Variants in FBXO11 observed in about 807,000 individuals in gnomAD.
FBXO11 encodes F-box protein 11, also known as F-box only protein 11.
Under a neutral mutation model 117.0 loss-of-function variants are expected in FBXO11, and 13 were observed. The observed-to-expected ratio is 0.11, with a 90% confidence interval of 0.07 to 0.18. The LOEUF (loss-of-function observed/expected upper bound fraction) is 0.18. Ranked by LOEUF, FBXO11 falls within the 10% of genes least tolerant of loss-of-function variation. FBXO11 has a pLI of 1.00. For synonymous variants in FBXO11, 490 were observed against 380.5 expected (o/e 1.29, Z -3.35); for missense variants, 767 against 1,164.4 (o/e 0.66, Z 4.97).
chr2:47,817,372 A>C (rs528286337), intron 16 of FBXO11, among the ~76,000 whole-genome samples: 4 of 152,238 alleles, frequency 2.6e-5, no homozygotes, highest in African/African-American at 9.6e-5. Flanking sequence ...CCATATTAGC[A>C]TAAGTCCATT....
chr2:47,831,813 T>C (rs1181927434), intron 11 of FBXO11, among the ~76,000 whole-genome samples: 1 of 152,240 alleles, frequency 6.6e-6, no homozygotes, highest in East Asian at 1.9e-4. Flanking sequence ...TGCTGCATAA[T>C]GGTTTTAAAA....
chr2:47,817,134 T>G (rs541794418), intron 16 of FBXO11, among the ~76,000 whole-genome samples: 1 of 152,374 alleles, frequency 6.6e-6, no homozygotes, highest in Non-Finnish European at 1.5e-5. Context: ...CTGGGATAAC[T>G]TTCTGTAGCT....
chr2:47,845,543 A>G (rs566486920), intron 1 of FBXO11, among the ~76,000 whole-genome samples: 1 of 152,336 alleles, frequency 6.6e-6, no homozygotes, highest in African/African-American at 2.4e-5. Flanking sequence ...ATAAGCAGCA[A>G]AACAGAAAGC....
chr2:47,818,248 A>G (rs766439501), intron 16 of FBXO11, among the ~76,000 whole-genome samples: 12 of 152,224 alleles, frequency 7.9e-5, no homozygotes, highest in Non-Finnish European at 1.6e-4. Flanking sequence ...TCAACACAGT[A>G]TTGCCACAAA....
chr2:47,889,590 C>A (rs758036833), intron 1 of FBXO11, among the ~76,000 whole-genome samples: 2 of 151,540 alleles, frequency 1.3e-5, no homozygotes, highest in Non-Finnish European at 2.9e-5. Flanking sequence ...ATTACTTATT[C>A]CCAAACACAT....
Position 47,868,088 on chromosome 2 carries a change from TC to T in FBXO11, c.233-28320del, listed in dbSNP as rs1675331791. On this transcript the variant is annotated intron_variant, in intron 1 of 22. Transcript: ENST00000403359. ...CCACACAATCCTTACCCACTGCAAA[TC>T]CCTGGACAACTACTGCCATGTCAGA... Among the ~76,000 whole-genome samples the T allele has an allele frequency of 3.3e-5, 5 of 152,040 alleles. No individual in the cohort carries two copies. The South Asian group carries it at 1.0e-3, about 32-fold the overall frequency.
chr2:47,874,137 C>G (rs1675824232), intron 1 of FBXO11, among the ~76,000 whole-genome samples: 1 of 152,122 alleles, frequency 6.6e-6, no homozygotes, highest in African/African-American at 2.4e-5. Context: ...TCGCTTGAAC[C>G]TGGGAGGCGG....
intron 1 of FBXO11, among the ~76,000 whole-genome samples, chr2:47,866,710 G>A (rs968991478): frequency 6.6e-6 from 1 of 152,058 alleles, no homozygotes; most frequent in African/African-American, 2.4e-5. Flanking sequence ...CTGACCTCGT[G>A]ATCTGCCCAC....
intron 1 of FBXO11, among the ~76,000 whole-genome samples, chr2:47,860,900 G>C (rs981484515): frequency 6.9e-6 from 1 of 144,412 alleles, no homozygotes; most frequent in Non-Finnish European, 1.5e-5. Flanking sequence ...AGGCTGGAGT[G>C]CAATGGCGCA....
At chr2:47,855,630 T>C (rs1674229049) in intron 1 of FBXO11, among the ~76,000 whole-genome samples, 1 of 152,056 alleles carries the variant, frequency 6.6e-6, no homozygotes, top group African/African-American at 2.4e-5. Context: ...AGTCAGGAGT[T>C]CGAGACCAGC....
At chr2:47,877,979 G>C (rs1325893382) in intron 1 of FBXO11, among the ~76,000 whole-genome samples, 1 of 152,070 alleles carries the variant, frequency 6.6e-6, no homozygotes, top group Non-Finnish European at 1.5e-5. Flanking sequence ...CACCGTGCCT[G>C]GCCCAGAATG....
At chr2:47,905,422 GCCCGCCCC>G in intron 1 of FBXO11, 59 bp downstream of exon 1, 1 of 1,094,062 alleles carries the variant, frequency 9.1e-7, no homozygotes, top group South Asian at 4.1e-5. Flanking sequence ...CCGCCCGCCC[GCCCGCCCC>G]GGCCTCCCTT....
Position 47,818,809 on chromosome 2 carries a change from T to C in FBXO11, c.1976A>G (p.Tyr659Cys). Residue 659 changes from tyrosine (Y) to cysteine (C), a missense_variant, in exon 16 of 23, where the codon TAT (tyrosine) becomes TGT (cysteine). Transcript: ENST00000403359. ...GHGVLEDNDIYNHMYSGVQIR... is the reference protein window; with the variant it reads ...GHGVLEDNDICNHMYSGVQIR... Reference sequence around the variant, plus strand: ...CTGAACCCCTGAATACATATGATTATAGATATCATTGTCTTCTAGCACTCC... The same window carrying C: ...CTGAACCCCTGAATACATATGATTACAGATATCATTGTCTTCTAGCACTCC... The C allele has an allele frequency of 6.3e-7, 1 of 1,588,892 alleles. No individual in the cohort carries two copies. The highest frequency in any genetic ancestry group is 8.5e-7 in the Non-Finnish European group (1 of 1,173,324).
intron 1 of FBXO11, among the ~76,000 whole-genome samples, chr2:47,875,345 G>A (rs902473975): frequency 1.9e-4 from 29 of 151,988 alleles, no homozygotes; most frequent in South Asian, 4.1e-4. Context: ...ATTTATCTTC[G>A]CGTTTATCTT....
chr2:47,857,577 TG>T (rs926129693), intron 1 of FBXO11, among the ~76,000 whole-genome samples: 2 of 152,010 alleles, frequency 1.3e-5, no homozygotes, highest in Admixed American at 6.5e-5. Context: ...AAAATAATCA[TG>T]GGGGGTAGAT....
intron 16 of FBXO11, among the ~76,000 whole-genome samples, chr2:47,816,540 T>C (rs1183108738): frequency 6.6e-6 from 1 of 152,204 alleles, no homozygotes; most frequent in African/African-American, 2.4e-5. Flanking sequence ...AGGTTTTCAA[T>C]TTACTTTGCC....
At chr2:47,854,985 C>T (rs900763111) in intron 1 of FBXO11, among the ~76,000 whole-genome samples, 3 of 151,510 alleles carry the variant, frequency 2.0e-5, no homozygotes, top group Non-Finnish European at 4.4e-5. Context: ...AAGACTCCTT[C>T]AATATCAGCA....
At chr2:47,884,652 T>A (rs1230730340) in intron 1 of FBXO11, among the ~76,000 whole-genome samples, 1 of 152,242 alleles carries the variant, frequency 6.6e-6, no homozygotes, top group Non-Finnish European at 1.5e-5. Flanking sequence ...ATCTCAATGC[T>A]GAAACTCACA....
intron 1 of FBXO11, among the ~76,000 whole-genome samples, chr2:47,859,041 C>CAAA (rs11337552): frequency 9.7e-6 from 1 of 103,172 alleles, no homozygotes; most frequent in Admixed American, 1.0e-4. Context: ...ACTCTGTCTC[C>CAAA]AAAAAAAAAA....
Sources: allele counts gnomAD v4.1 joint callset (sites outside exome capture counted in the v4.1 genomes callset), GRCh38; gene constraint gnomAD v4.1.1; transcripts MANE v1.5; gene names NCBI Gene and HGNC (gene_info 2026-07-23, HGNC 2026-07-21).